GALNT17: variants seen among roughly 807,000 people sequenced by gnomAD.
GALNT17 encodes polypeptide N-acetylgalactosaminyltransferase 17.
GALNT17 carries 29 observed loss-of-function variants against 63.7 expected under a neutral mutation model. The ratio of observed to expected loss-of-function variants is 0.46; its 90% CI spans 0.34 to 0.62. GALNT17 has a LOEUF of 0.62. Among genes scored for constraint, GALNT17 ranks in the 20% least tolerant of loss-of-function variants. The pLI is 0.01. For missense variants in GALNT17, 603 were observed against 799.6 expected, an observed-to-expected ratio of 0.75 and a Z score of 2.97; for synonymous variants, 305 against 318.3, an observed-to-expected ratio of 0.96 and a Z score of 0.45.
chr7:71,358,774 T>A (rs764588334), intron 2 of GALNT17, among the ~76,000 whole-genome samples: 1 of 152,044 alleles, frequency 6.6e-6, no homozygotes, highest in East Asian at 1.9e-4. Flanking sequence ...CTTTTCTTTT[T>A]CTTTTTCTTT....
chr7:71,408,953 T>C (rs1284817995), intron 3 of GALNT17, among the ~76,000 whole-genome samples: 2 of 151,362 alleles, frequency 1.3e-5, no homozygotes, highest in African/African-American at 4.9e-5. Context: ...ATATATATAC[T>C]GTATATGTGT....
chr7:71,488,708 AG>A (rs1787954538), intron 5 of GALNT17, among the ~76,000 whole-genome samples: 1 of 148,128 alleles, frequency 6.8e-6, no homozygotes, highest in Non-Finnish European at 1.5e-5. Flanking sequence ...GCCTGTGAGT[AG>A]CTTGGGACTA....
intron 6 of GALNT17, among the ~76,000 whole-genome samples, chr7:71,632,878 T>C (rs556309574): frequency 4.0e-5 from 6 of 151,716 alleles, no homozygotes; most frequent in African/African-American, 1.5e-4. Flanking sequence ...CTGAGGTGGG[T>C]GAATCACTTG....
chr7:71,583,377 A>G (rs1486050944), intron 6 of GALNT17, among the ~76,000 whole-genome samples: 1 of 152,172 alleles, frequency 6.6e-6, no homozygotes, highest in Non-Finnish European at 1.5e-5. Flanking sequence ...TACAGGCCTG[A>G]GCCACCACAT....
intron 5 of GALNT17, among the ~76,000 whole-genome samples, chr7:71,569,954 A>C (rs1323624446): frequency 6.6e-6 from 1 of 152,188 alleles, no homozygotes; most frequent in South Asian, 2.1e-4. Context: ...AGAAATTTCC[A>C]AACTGCTTTC....
At chr7:71,154,368 C>T (rs147859692) in intron 1 of GALNT17, among the ~76,000 whole-genome samples, 117 of 152,244 alleles carry the variant, frequency 7.7e-4, no homozygotes, top group African/African-American at 2.3e-3. Context: ...TGGGCAGAGA[C>T]GGGCTGTTCC....
At chr7:71,215,827 C>A (rs140218018) in intron 1 of GALNT17, among the ~76,000 whole-genome samples, 1 of 152,154 alleles carries the variant, frequency 6.6e-6, no homozygotes, top group Non-Finnish European at 1.5e-5. Flanking sequence ...CACAATCTTA[C>A]AATTTATTGA....
chr7:71,586,670 C>T (rs1283559677), intron 6 of GALNT17, among the ~76,000 whole-genome samples: 1 of 143,042 alleles, frequency 7.0e-6, no homozygotes, highest in African/African-American at 2.6e-5. Context: ...TTTTACCAAA[C>T]CTAGTAGGGT....
At chr7:71,289,809 G>A (rs1291938666) in intron 1 of GALNT17, among the ~76,000 whole-genome samples, 4 of 152,092 alleles carry the variant, frequency 2.6e-5, no homozygotes, top group African/African-American at 4.8e-5. Context: ...AAAGGGGGAG[G>A]CGGAGGTTGT....
At chr7:71,334,682 C>A (rs1252235037) in intron 1 of GALNT17, among the ~76,000 whole-genome samples, 1 of 152,196 alleles carries the variant, frequency 6.6e-6, no homozygotes, top group Non-Finnish European at 1.5e-5. Flanking sequence ...CTCAGTGAGG[C>A]TTGTTACAGA....
chr7:71,643,207 A>C (rs1248182341), intron 6 of GALNT17, among the ~76,000 whole-genome samples: 6 of 152,136 alleles, frequency 3.9e-5, no homozygotes, highest in Non-Finnish European at 8.8e-5. Context: ...AGAGGCTCAC[A>C]CCTGTAATCC....
At chr7:71,617,132 ATAT>A (rs1385045167) in intron 6 of GALNT17, among the ~76,000 whole-genome samples, 2 of 149,116 alleles carry the variant, frequency 1.3e-5, no homozygotes, top group African/African-American at 2.4e-5. Flanking sequence ...TATTTATACA[ATAT>A]TATTTATTTA....
intron 5 of GALNT17, among the ~76,000 whole-genome samples, chr7:71,505,916 T>A: frequency 6.6e-6 from 1 of 152,196 alleles, no homozygotes; most frequent in East Asian, 1.9e-4. Context: ...AGCTCCATAA[T>A]AAGCTTCATA....
At chr7:71,360,302 C>A (rs533087527) in intron 2 of GALNT17, among the ~76,000 whole-genome samples, 1 of 152,164 alleles carries the variant, frequency 6.6e-6, no homozygotes, top group African/African-American at 2.4e-5. Context: ...ATTATGACTA[C>A]TAACTCGGAT....
intron 1 of GALNT17, among the ~76,000 whole-genome samples, chr7:71,172,089 C>T (rs915150421): frequency 6.6e-6 from 1 of 151,916 alleles, no homozygotes. Context: ...CCACATAGGA[C>T]AGATGGGAAA....
At chr7:71,637,382 A>T (rs960647179) in intron 6 of GALNT17, among the ~76,000 whole-genome samples, 3 of 151,432 alleles carry the variant, frequency 2.0e-5, no homozygotes, top group Non-Finnish European at 4.4e-5. Flanking sequence ...ACAGGATTTC[A>T]CCATGTTGGC....
intron 1 of GALNT17, chr7:71,283,972 A>C (rs1583827039): frequency 6.6e-6 from 1 of 152,206 alleles, no homozygotes; most frequent in East Asian, 1.9e-4. Context: ...ACCAATCAGC[A>C]CTCTGTATAA....
At chr7:71,600,047 G>A (rs1366224031) in intron 6 of GALNT17, among the ~76,000 whole-genome samples, 2 of 151,716 alleles carry the variant, frequency 1.3e-5, no homozygotes, top group South Asian at 4.2e-4. Context: ...ATCCTTGCTT[G>A]GGAACCATGG....
intron 1 of GALNT17, among the ~76,000 whole-genome samples, chr7:71,185,729 A>G (rs1022200604): frequency 1.3e-5 from 2 of 151,848 alleles, no homozygotes; most frequent in African/African-American, 4.8e-5. Flanking sequence ...GGATGGTCTC[A>G]ATCTCCTGAC....
Sources: gnomAD v4.1 joint callset for allele counts (sites outside exome capture counted in the v4.1 genomes callset) on GRCh38, gnomAD v4.1.1 for gene constraint, MANE v1.5 for transcripts, NCBI Gene and HGNC (gene_info 2026-07-23, HGNC 2026-07-21) for gene names.